Variants in ABLIM1 observed in about 807,000 individuals in gnomAD.
ABLIM1 encodes actin binding LIM protein 1, also known as actin-binding LIM protein 1.
Under a neutral mutation model 107.0 loss-of-function variants are expected in ABLIM1, and 40 were observed. The ratio of observed to expected loss-of-function variants is 0.37; its 90% CI spans 0.29 to 0.49. ABLIM1 has a LOEUF of 0.49. ABLIM1 is among the 20% of genes least tolerant of loss of function. ABLIM1 has a pLI of 0.97. For synonymous variants in ABLIM1, 357 were observed against 357.3 expected (o/e 1.00, Z 0.01); for missense variants, 857 against 1,008.5 (o/e 0.85, Z 2.04).
intron 4 of ABLIM1, among the ~76,000 whole-genome samples, chr10:114,557,672 T>TTTTG (rs1491572229): frequency 0.027 from 537 of 19,848 alleles, 15 homozygotes; most frequent in South Asian, 0.069. Flanking sequence ...TAGTGAGGTG[T>TTTTG]TTTTTTTTTT....
the ABLIM1 span, among the ~76,000 whole-genome samples, chr10:114,793,788 C>A: frequency 6.6e-6 from 1 of 152,180 alleles, no homozygotes; most frequent in Non-Finnish European, 1.5e-5. Flanking sequence ...CTGTAGTCTC[C>A]AAGTCTCCCG....
intron 8 of ABLIM1, among the ~76,000 whole-genome samples, chr10:114,475,372 T>C (rs1365520287): frequency 6.6e-6 from 1 of 152,246 alleles, no homozygotes; most frequent in African/African-American, 2.4e-5. Flanking sequence ...TTTTCTCTCA[T>C]AGTGTCATTC....
chr10:114,755,797 C>CT (rs1447223748), intron 1 of ABLIM1, among the ~76,000 whole-genome samples: 1 of 152,248 alleles, frequency 6.6e-6, no homozygotes, highest in Non-Finnish European at 1.5e-5. Flanking sequence ...GCCAGCTCTG[C>CT]TGGGGCCTTG....
Position 114,677,339 on chromosome 10 carries a change from C to A in ABLIM1, c.64+6951G>T, listed in dbSNP as rs1289446054. On this transcript the variant is annotated intron_variant, in intron 1 of 23. Transcript: ENST00000369256. ...ATGACATTGCTGTCAGGACAAAAAA[C>A]CCAGAAATACCTGAGAAAAGTATAA... is the stretch of plus-strand genomic sequence containing the variant. 2.6e-5 allele frequency among the ~76,000 whole-genome samples: 4 copies of A among 152,204 alleles called. No individual in the cohort carries two copies. The South Asian group carries it at 6.2e-4, about 24-fold the overall frequency.
intron 19 of ABLIM1, 169 bp downstream of exon 19, chr10:114,440,848 A>C: frequency 1.4e-6 from 1 of 735,192 alleles, no homozygotes; most frequent in Non-Finnish European, 2.4e-6. Flanking sequence ...ATTTCATTAG[A>C]TATTCTTTGA....
chr10:114,448,162 C>T, intron 14 of ABLIM1, 142 bp from the exon 15 acceptor site: 1 of 1,039,814 alleles, frequency 9.6e-7, no homozygotes, highest in East Asian at 2.5e-5. Flanking sequence ...ATCCATGGCC[C>T]AGTCACTCAG....
chr10:114,708,899 T>A (rs1465606232), intron 1 of ABLIM1, among the ~76,000 whole-genome samples: 1 of 152,216 alleles, frequency 6.6e-6, no homozygotes, highest in African/African-American at 2.4e-5. Context: ...TTAATCACCA[T>A]CTTTTAAGAT....
intron 1 of ABLIM1, among the ~76,000 whole-genome samples, chr10:114,754,122 G>C (rs1249539205): frequency 6.6e-6 from 1 of 152,168 alleles, no homozygotes; most frequent in African/African-American, 2.4e-5. Flanking sequence ...AAAGTGCTGG[G>C]ATTACAGGTG....
chr10:114,543,274 C>T (rs1333211224), intron 6 of ABLIM1, among the ~76,000 whole-genome samples: 1 of 152,196 alleles, frequency 6.6e-6, no homozygotes, highest in Non-Finnish European at 1.5e-5. Flanking sequence ...ATATTTTCAT[C>T]ACCCCAAAAG....
At chr10:114,636,035 A>C (rs973855001) in intron 1 of ABLIM1, among the ~76,000 whole-genome samples, 1 of 152,220 alleles carries the variant, frequency 6.6e-6, no homozygotes, top group Non-Finnish European at 1.5e-5. Context: ...GGAGGTGCTC[A>C]CCATCTAGCG....
At chr10:114,468,728 G>A (rs929061681) in intron 10 of ABLIM1, among the ~76,000 whole-genome samples, 21 of 152,132 alleles carry the variant, frequency 1.4e-4, no homozygotes, top group African/African-American at 3.9e-4. Context: ...ACAAAGTTCC[G>A]GGGAGATTCT....
chr10:114,798,496 C>T, the ABLIM1 span, among the ~76,000 whole-genome samples: 1 of 150,150 alleles, frequency 6.7e-6, no homozygotes, highest in East Asian at 1.9e-4. Context: ...CTTTGGGAAG[C>T]TGAGGCAGGA....
chr10:114,683,095 T>C (rs11196870), intron 1 of ABLIM1, among the ~76,000 whole-genome samples: 5,680 of 152,312 alleles, frequency 0.037, 135 homozygotes, highest in Non-Finnish European at 0.055. Context: ...TTAATATGCA[T>C]AGTGTCCTTA....
intron 1 of ABLIM1, among the ~76,000 whole-genome samples, chr10:114,628,602 T>C (rs2077971403): frequency 6.6e-6 from 1 of 152,294 alleles, no homozygotes; most frequent in East Asian, 1.9e-4. Context: ...TCCAACAATG[T>C]CAGAAAACTT....
chr10:114,614,584 A>G (rs2077009261), intron 1 of ABLIM1, among the ~76,000 whole-genome samples: 2 of 152,200 alleles, frequency 1.3e-5, no homozygotes, highest in Admixed American at 1.3e-4. Context: ...ATGCCATCAG[A>G]TCAATGCCCC....
chr10:114,508,608 G>A (rs2061455230), intron 6 of ABLIM1, among the ~76,000 whole-genome samples: 1 of 152,144 alleles, frequency 6.6e-6, no homozygotes, highest in Non-Finnish European at 1.5e-5. Flanking sequence ...AGGATTGCTT[G>A]AGCCCAGGAG....
chr10:114,769,479 GAGAA>G (rs1247658878), upstream of ABLIM1, among the ~76,000 whole-genome samples: 4 of 123,930 alleles, frequency 3.2e-5, no homozygotes, highest in East Asian at 4.5e-4. Flanking sequence ...AAGAAAGAAA[GAGAA>G]AGAAAGAAAG....
At chr10:114,603,631 G>A (rs937748027) in intron 1 of ABLIM1, among the ~76,000 whole-genome samples, 1 of 147,322 alleles carries the variant, frequency 6.8e-6, no homozygotes, top group African/African-American at 2.5e-5. Flanking sequence ...CCTATCCCTT[G>A]CACATTAAAA....
intron 1 of ABLIM1, among the ~76,000 whole-genome samples, chr10:114,743,276 G>A (rs2082322421): frequency 6.6e-6 from 1 of 152,128 alleles, no homozygotes; most frequent in Non-Finnish European, 1.5e-5. Flanking sequence ...TATTATTAGG[G>A]TTCTGGACAG....
Sources: allele counts gnomAD v4.1 joint callset (sites outside exome capture counted in the v4.1 genomes callset), GRCh38; gene constraint gnomAD v4.1.1; transcripts MANE v1.5; gene names NCBI Gene and HGNC (gene_info 2026-07-23, HGNC 2026-07-21).